JARID2: variants seen among roughly 807,000 people sequenced by gnomAD.
JARID2 encodes jumonji and AT-rich interaction domain containing 2, also known as protein Jumonji.
Under a neutral mutation model 125.6 loss-of-function variants are expected in JARID2, and 21 were observed. That is an observed-to-expected ratio of 0.17 (90% CI 0.12 to 0.24). The LOEUF is 0.24. Among genes scored for constraint, JARID2 ranks in the 10% least tolerant of loss-of-function variants. The pLI is 1.00. For synonymous variants in JARID2, 736 were observed against 661.6 expected, an observed-to-expected ratio of 1.11 and a Z score of -1.73; for missense variants, 1,303 against 1,639.6, an observed-to-expected ratio of 0.79 and a Z score of 3.55.
At chr6:15,507,056 C>T (rs1176852660) in intron 9 of JARID2, 80 bp from the exon 10 acceptor site, 16 of 855,912 alleles carry the variant, frequency 1.9e-5, no homozygotes, top group African/African-American at 1.7e-5. Context: ...GCATTCGTGT[C>T]CCAGTTTTGT....
At chr6:15,333,953 G>A (rs1411579312) in intron 1 of JARID2, among the ~76,000 whole-genome samples, 3 of 152,222 alleles carry the variant, frequency 2.0e-5, no homozygotes, top group African/African-American at 2.4e-5. Flanking sequence ...TGCTTCCCCC[G>A]CCCCGAGACT....
chr6:15,444,627 T>G (rs1767589547), intron 3 of JARID2, among the ~76,000 whole-genome samples: 1 of 151,758 alleles, frequency 6.6e-6, no homozygotes, highest in Non-Finnish European at 1.5e-5. Context: ...TTTTTTTTTT[T>G]GAATAGGCCT....
chr6:15,398,693 A>T (rs1765307402), intron 2 of JARID2, among the ~76,000 whole-genome samples: 1 of 152,176 alleles, frequency 6.6e-6, no homozygotes, highest in South Asian at 2.1e-4. Context: ...CTTATTTCTT[A>T]AAATTTAAAT....
At chr6:15,455,953 C>T (rs11969359) in intron 4 of JARID2, among the ~76,000 whole-genome samples, 4,684 of 152,328 alleles carry the variant, frequency 0.031, 238 homozygotes, top group African/African-American at 0.1. Context: ...GTTTCTGCCT[C>T]CACCAGTCCA....
intron 2 of JARID2, among the ~76,000 whole-genome samples, chr6:15,388,986 G>C (rs1435441858): frequency 6.6e-6 from 1 of 152,042 alleles, no homozygotes; most frequent in Non-Finnish European, 1.5e-5. Context: ...GCTTGGTACT[G>C]CCATCTTGGT....
rs371491494 is a variant in JARID2, at chr6:15,496,995, C to A, written c.1770C>A (p.Ile590=). The change falls in exon 7 of 18, where the codon ATC becomes ATA. Residue 590 remains isoleucine, a synonymous_variant. Transcript: ENST00000341776. The part of the protein sequence containing the change: ...QVEKFGMCRV[I]PPPDWRPECK... ...AGAAGTTCGGGATGTGCAGGGTGAT[C>A]CCCCCTCCGGACTGGCGGCCCGAGT... The A allele has an allele frequency of 1.2e-5, 19 of 1,613,670 alleles. No homozygotes were observed. The highest frequency in any genetic ancestry group is 1.6e-4 in the Middle Eastern group (1 of 6,080).
At chr6:15,365,024 G>A (rs1396036670) in intron 1 of JARID2, among the ~76,000 whole-genome samples, 2 of 152,154 alleles carry the variant, frequency 1.3e-5, no homozygotes, top group East Asian at 1.9e-4. Flanking sequence ...ACATAAAAAG[G>A]CATTAGTGAT....
At chr6:15,398,445 T>C (rs1024937474) in intron 2 of JARID2, among the ~76,000 whole-genome samples, 1 of 152,198 alleles carries the variant, frequency 6.6e-6, no homozygotes, top group African/African-American at 2.4e-5. Context: ...ATCCATTTCT[T>C]AGTGTTATTC....
Position 15,520,815 on chromosome 6 carries a change from C to T in JARID2, c.*564C>T. 1 of 455,908 alleles carries T rather than the reference C, an allele frequency of 2.2e-6. No homozygotes were observed. The highest frequency in any genetic ancestry group is 4.4e-6 in the Non-Finnish European group (1 of 226,754). 28.2% of individuals were successfully genotyped at this position (455,908 alleles called of 1,614,324 possible). On this transcript the variant is annotated 3_prime_UTR_variant, in exon 18 of 18. Coordinates refer to ENST00000341776, the MANE Select transcript of JARID2 (RefSeq NM_004973.4). ...GTTTTGTTTCTCTGGGCGGTTGTGG[C>T]AGCTGAAGGCGGACGTTGTTTCCTA... is the stretch of plus-strand genomic sequence containing the variant.
At chr6:15,344,536 T>C (rs1763183887) in intron 1 of JARID2, among the ~76,000 whole-genome samples, 1 of 112,218 alleles carries the variant, frequency 8.9e-6, no homozygotes, top group Non-Finnish European at 1.7e-5. Context: ...TGTACAATTC[T>C]TTTTTTTTTT....
intron 1 of JARID2, among the ~76,000 whole-genome samples, chr6:15,359,810 C>A (rs1763729711): frequency 6.6e-6 from 1 of 151,724 alleles, no homozygotes; most frequent in Non-Finnish European, 1.5e-5. Context: ...TCTCGGCGTC[C>A]TGAGTAGCTG....
chr6:15,417,086 AAGAGGTCATCTGAGTTG>A (rs1348219651), intron 3 of JARID2, among the ~76,000 whole-genome samples: 1 of 152,182 alleles, frequency 6.6e-6, no homozygotes, highest in African/African-American at 2.4e-5. Flanking sequence ...TACGATTCAA[AAGAGGTCATCTGAGTTG>A]GCGACTAAAA....
intron 2 of JARID2, among the ~76,000 whole-genome samples, chr6:15,398,787 C>T (rs1460521986): frequency 6.6e-6 from 1 of 152,146 alleles, no homozygotes; most frequent in Non-Finnish European, 1.5e-5. Flanking sequence ...GTGCTGATGC[C>T]TGTGTGCACT....
At chr6:15,455,972 G>C (rs1358237009) in intron 4 of JARID2, among the ~76,000 whole-genome samples, 2 of 152,156 alleles carry the variant, frequency 1.3e-5, no homozygotes, top group Non-Finnish European at 2.9e-5. Flanking sequence ...CACCAATCCC[G>C]TTTCATTAGG....
At chr6:15,428,995 ATCC>A (rs373190638) in intron 3 of JARID2, among the ~76,000 whole-genome samples, 13 of 148,136 alleles carry the variant, frequency 8.8e-5, no homozygotes, top group African/African-American at 3.2e-4. Context: ...TGATAGCTCC[ATCC>A]TCATACTTAA....
At chr6:15,340,217 AT>A (rs1229119539) in intron 1 of JARID2, among the ~76,000 whole-genome samples, 2 of 152,182 alleles carry the variant, frequency 1.3e-5, no homozygotes, top group African/African-American at 4.8e-5. Context: ...GGGCCAAGTA[AT>A]TTGGGGTGCC....
chr6:15,249,095 TCTC>T (rs1399589256), intron 1 of JARID2: 4 of 265,702 alleles, frequency 1.5e-5, no homozygotes, highest in African/African-American at 2.3e-5. Flanking sequence ...CTGTTCCAGG[TCTC>T]CTGATGGTGT....
intron 2 of JARID2, among the ~76,000 whole-genome samples, chr6:15,376,368 A>G (rs961260434): frequency 3.3e-5 from 5 of 152,166 alleles, no homozygotes; most frequent in African/African-American, 1.2e-4. Context: ...TGGGATTTCT[A>G]TAGCAGTTCT....
intron 1 of JARID2, among the ~76,000 whole-genome samples, chr6:15,291,931 A>T (rs1042746358): frequency 1.3e-5 from 2 of 152,170 alleles, no homozygotes; most frequent in Admixed American, 6.5e-5. Flanking sequence ...ATGTTCCATA[A>T]TAACAAATTT....
Sources: allele counts gnomAD v4.1 joint callset (sites outside exome capture counted in the v4.1 genomes callset), GRCh38; gene constraint gnomAD v4.1.1; transcripts MANE v1.5; gene names NCBI Gene and HGNC (gene_info 2026-07-23, HGNC 2026-07-21).